Variants in DMD observed in about 807,000 individuals in gnomAD.
DMD encodes the protein dystrophin, also known as mutant dystrophin.
A neutral mutation model predicts 330.1 loss-of-function variants in DMD; 63 were observed. The observed-to-expected ratio is 0.19, with a 90% CI of 0.16 to 0.24. DMD has a LOEUF of 0.24. DMD is among the 10% of genes least tolerant of loss of function. The pLI, the probability that DMD is intolerant of heterozygous loss-of-function variation, is 1.00. For synonymous variants in DMD, 1,223 were observed against 959.8 expected (o/e 1.27, Z -5.07); for missense variants, 3,344 against 2,684.1 (o/e 1.25, Z -5.43).
chrX:33,304,640 T>C (rs2053723998), intron 1 of DMD, among the ~76,000 whole-genome samples: 1 of 104,890 alleles, frequency 9.5e-6, no homozygotes, highest in Non-Finnish European at 2.0e-5. Flanking sequence ...ACCTACAAAA[T>C]GGGAGAAAAT....
intron 9 of DMD, among the ~76,000 whole-genome samples, chrX:32,693,742 C>T (rs1473783166): frequency 1.8e-5 from 2 of 111,809 alleles, no homozygotes; most frequent in African/African-American, 3.3e-5. Flanking sequence ...ACCCAGCTCG[C>T]GGTGTAGTTT....
intron 12 of DMD, among the ~76,000 whole-genome samples, chrX:32,608,831 A>T (rs1483953504): frequency 9.0e-6 from 1 of 110,527 alleles, no homozygotes; most frequent in Non-Finnish European, 1.9e-5. Flanking sequence ...CATCATAACC[A>T]TTAAACTTTC....
rs762696447 is a variant in DMD at position 31,231,284 on chromosome X, A to G, written c.9287-8163T>C. 4.3e-3 allele frequency among the ~76,000 whole-genome samples: 481 copies of G among 110,935 alleles called. 2 individuals are homozygous for G. Among genetic ancestry groups the G allele is most frequent in the African/African-American group, 0.015 (459 of 30,697 alleles). On this transcript the variant is annotated intron_variant, in intron 63 of 78. Coordinates refer to ENST00000357033, the MANE Select transcript of DMD (RefSeq NM_004006.3). ...ATATAACATATATTATTTTAAATAC[A>G]TTTAAAATAGTACAAATGACATATT...
intron 1 of DMD, among the ~76,000 whole-genome samples, chrX:33,337,892 G>T (rs1367323254): frequency 9.0e-6 from 1 of 111,693 alleles, no homozygotes; most frequent in African/African-American, 3.2e-5. Flanking sequence ...AATTACTACA[G>T]AAAAGGCACA....
chrX:32,055,332 T>C (rs750022379), intron 44 of DMD, among the ~76,000 whole-genome samples: 80 of 112,314 alleles, frequency 7.1e-4, no homozygotes, highest in African/African-American at 2.5e-3. Context: ...TAATCTTGCC[T>C]GTTGAGCATA....
chrX:31,803,206 T>C (rs1283668216), intron 50 of DMD, among the ~76,000 whole-genome samples: 1 of 111,433 alleles, frequency 9.0e-6, no homozygotes, highest in Non-Finnish European at 1.9e-5. Context: ...GTCCCTTAGA[T>C]AGAAAGTAGA....
intron 7 of DMD, among the ~76,000 whole-genome samples, chrX:32,776,935 A>G (rs371857088): frequency 9.0e-6 from 1 of 111,548 alleles, no homozygotes; most frequent in Non-Finnish European, 1.9e-5. Context: ...GTAAAACAAA[A>G]TAGTATGAAA....
chrX:31,178,896 T>C, intron 69 of DMD, 91 bp from the exon 70 acceptor site: 1 of 1,067,198 alleles, frequency 9.4e-7, no homozygotes. Flanking sequence ...GACACTTGTT[T>C]TGTAATTAAG....
chrX:31,434,571 TC>T (rs1162733000), intron 60 of DMD, among the ~76,000 whole-genome samples: 2 of 110,895 alleles, frequency 1.8e-5, no homozygotes, highest in Non-Finnish European at 3.8e-5. Flanking sequence ...CTGTCTGTCA[TC>T]CCAAGAAACC....
intron 44 of DMD, among the ~76,000 whole-genome samples, chrX:32,037,808 G>A (rs1391412828): frequency 9.0e-6 from 1 of 111,668 alleles, no homozygotes; most frequent in African/African-American, 3.3e-5. Context: ...TGAATCTCCA[G>A]TATTCTAGAA....
Position 32,907,691 on chromosome X carries a change from T to G in DMD, c.94-57871A>C, listed in dbSNP as rs761310301. 2.7e-5 allele frequency among the ~76,000 whole-genome samples: 3 copies of G among 112,116 alleles called. No homozygotes were observed. The South Asian group carries it at 1.1e-3, about 41-fold the overall frequency. Reference sequence around the variant, plus strand: ...ATCACTAAGGGAATTTTTAGCCTAGTAAAGACAGTTTCTCAACATTCAAGA... The same window carrying G: ...ATCACTAAGGGAATTTTTAGCCTAGGAAAGACAGTTTCTCAACATTCAAGA... On this transcript the variant is annotated intron_variant, in intron 2 of 78. Coordinates refer to ENST00000357033, the MANE Select transcript of DMD (RefSeq NM_004006.3).
intron 2 of DMD, among the ~76,000 whole-genome samples, chrX:32,903,144 C>CAAAAAAAAAAAAAAAA (rs34973696): frequency 1.8e-4 from 6 of 32,981 alleles, no homozygotes; most frequent in Non-Finnish European, 2.4e-4. Flanking sequence ...GACTCAGTCT[C>CAAAAAAAAAAAAAAAA]AAAAAAAAAA....
At chrX:33,072,485 C>T (rs1020827057) in intron 1 of DMD, among the ~76,000 whole-genome samples, 1 of 112,174 alleles carries the variant, frequency 8.9e-6, no homozygotes, top group African/African-American at 3.2e-5. Context: ...TTTCACATAA[C>T]CTCTCTGTTA....
chrX:32,633,769 A>C (rs1477088716), intron 11 of DMD, among the ~76,000 whole-genome samples: 1 of 111,755 alleles, frequency 8.9e-6, no homozygotes, highest in Non-Finnish European at 1.9e-5. Flanking sequence ...CAGAAGGTGA[A>C]GGAGGAACAG....
chrX:32,267,246 T>G (rs1485260770), intron 43 of DMD, among the ~76,000 whole-genome samples: 1 of 112,386 alleles, frequency 8.9e-6, no homozygotes, highest in Non-Finnish European at 1.9e-5. Context: ...ATGTCTCTCT[T>G]AAACTTTCTT....
intron 7 of DMD, among the ~76,000 whole-genome samples, chrX:32,761,263 A>G (rs948265073): frequency 5.4e-5 from 6 of 111,962 alleles, no homozygotes; most frequent in African/African-American, 1.9e-4. Context: ...TCTACACTAA[A>G]TCCCCAGTAT....
At chrX:32,927,455 G>A (rs765239194) in intron 2 of DMD, among the ~76,000 whole-genome samples, 5 of 96,336 alleles carry the variant, frequency 5.2e-5, no homozygotes, top group South Asian at 5.2e-4. Flanking sequence ...CACAACCTCC[G>A]CCTTTTAGTG....
At chrX:32,291,898 T>G in intron 42 of DMD, among the ~76,000 whole-genome samples, 1 of 112,054 alleles carries the variant, frequency 8.9e-6, no homozygotes. Flanking sequence ...TTGTAGTAAC[T>G]GTCTTAAAGG....
At chrX:32,675,746 C>A (rs1167464094) in intron 9 of DMD, among the ~76,000 whole-genome samples, 1 of 111,527 alleles carries the variant, frequency 9.0e-6, no homozygotes, top group Non-Finnish European at 1.9e-5. Flanking sequence ...ATTTCTTAAC[C>A]AGCTTATCAA....
Sources: allele counts gnomAD v4.1 joint callset (sites outside exome capture counted in the v4.1 genomes callset), GRCh38; gene constraint gnomAD v4.1.1; transcripts MANE v1.5; gene names NCBI Gene and HGNC (gene_info 2026-07-23, HGNC 2026-07-21).